ASMTL: variants seen among roughly 807,000 people sequenced by gnomAD.
The protein encoded by ASMTL is acetylserotonin O-methyltransferase like.
A neutral mutation model predicts 60.3 loss-of-function variants in ASMTL; 57 were observed. The observed-to-expected ratio is 0.95, with a 90% CI of 0.76 to 1.18. ASMTL has a LOEUF of 1.18. Among genes scored for constraint, ASMTL ranks in the 50% most tolerant of loss-of-function variants. ASMTL has a pLI of 0.00. For synonymous variants in ASMTL, 419 were observed against 373.0 expected, an observed-to-expected ratio of 1.12 and a Z score of -1.42; for missense variants, 981 against 852.6, an observed-to-expected ratio of 1.15 and a Z score of -1.88.
chrX:1,436,209 TG>T (rs1381745191), intron 3 of ASMTL, among the ~76,000 whole-genome samples: 2 of 152,234 alleles, frequency 1.3e-5, no homozygotes, highest in Non-Finnish European at 2.9e-5. Context: ...AGTCTCACTC[TG>T]TCGCCCAGGC....
chrX:1,418,046 G>A lies in ASMTL; in HGVS notation c.1449C>T (p.Leu483=). The change falls in exon 11 of 13, where the codon CTC becomes CTT. Residue 483 remains leucine, a synonymous_variant. Coordinates refer to ENST00000381317, the MANE Select transcript of ASMTL (RefSeq NM_004192.4). ...YPRMQVTVFD[L]PDIIELAAHF... is the part of the protein sequence containing the mutation. Reference sequence around the variant, plus strand: ...GGGCGGCCAGCTCGATAATGTCTGGGAGGTCAAACACAGTCACCTGCATAC... The same window carrying A: ...GGGCGGCCAGCTCGATAATGTCTGGAAGGTCAAACACAGTCACCTGCATAC... 2 of 1,613,646 alleles carry A rather than the reference G, an allele frequency of 1.2e-6. No individual in the cohort carries two copies. The highest frequency in any genetic ancestry group is 1.7e-6 in the Non-Finnish European group (2 of 1,179,682).
At chrX:1,413,069 G>C (rs5949007) in intron 11 of ASMTL, 249,004 of 583,998 alleles carry the variant, frequency 0.43, 53,941 homozygotes, top group African/African-American at 0.43. Flanking sequence ...GGTTTGACTC[G>C]GGCTGAGAAA....
intron 5 of ASMTL, among the ~76,000 whole-genome samples, chrX:1,433,472 T>G (rs1357989156): frequency 1.8e-4 from 24 of 134,540 alleles, no homozygotes; most frequent in Admixed American, 7.6e-4. Context: ...GAGACCCTCC[T>G]GGCTACCACG....
chrX:1,411,882 G>C (rs766251756), intron 12 of ASMTL, among the ~76,000 whole-genome samples: 4 of 136,760 alleles, frequency 2.9e-5, no homozygotes, highest in Non-Finnish European at 6.1e-5. Context: ...GCGCAGTCTC[G>C]GCTCACTGCA....
intron 12 of ASMTL, among the ~76,000 whole-genome samples, chrX:1,404,782 T>A (rs1263050784): frequency 6.6e-6 from 1 of 150,816 alleles, no homozygotes; most frequent in African/African-American, 2.5e-5. Flanking sequence ...GATGAATGGA[T>A]GGATATATGG....
intron 5 of ASMTL, among the ~76,000 whole-genome samples, chrX:1,432,716 C>A (rs7879297): frequency 6.8e-6 from 1 of 146,942 alleles, no homozygotes; most frequent in Admixed American, 7.0e-5. Context: ...GTAGTCCCAG[C>A]TACTCGGGAG....
chrX:1,435,815 A>C, intron 3 of ASMTL, 57 bp from the exon 4 acceptor site: 1 of 1,426,952 alleles, frequency 7.0e-7, no homozygotes, highest in South Asian at 1.1e-5. Context: ...AGGCCTGTGC[A>C]AGTCCCACGG....
chrX:1,429,538 G>A lies in ASMTL; in HGVS notation c.510-1417C>T, dbSNP rs187981590. ...AAAGTGCAGGTGTTGGGCTGGGCGC[G>A]GTGGCTCCCAGCACTTCGGGAGGCT... On this transcript the variant is annotated intron_variant, in intron 6 of 12. Transcript: ENST00000381317. 2.8e-3 allele frequency among the ~76,000 whole-genome samples: 422 copies of A among 151,986 alleles called. 1 individual carries two copies. The highest frequency in any genetic ancestry group is 4.8e-3 in the Non-Finnish European group (325 of 67,964).
chrX:1,450,527 C>A (rs1183192289), intron 1 of ASMTL, among the ~76,000 whole-genome samples: 1 of 144,150 alleles, frequency 6.9e-6, no homozygotes, highest in Non-Finnish European at 1.5e-5. Context: ...GGATCACACT[C>A]CCCTCCCCCA....
At chrX:1,411,233 G>C (rs1197777673) in intron 12 of ASMTL, among the ~76,000 whole-genome samples, 1 of 9,370 alleles carries the variant, frequency 1.1e-4, no homozygotes, top group Non-Finnish European at 2.2e-3. Flanking sequence ...AAGAAGGAGA[G>C]ACAGAGGGAG....
intron 2 of ASMTL, 85 bp from the exon 3 acceptor site, chrX:1,439,229 G>C (rs1400233407): frequency 7.6e-6 from 11 of 1,448,240 alleles, no homozygotes; most frequent in Non-Finnish European, 1.1e-5. Context: ...GCGTGAAAGA[G>C]CACCGCAGGG....
intron 1 of ASMTL, among the ~76,000 whole-genome samples, chrX:1,445,447 G>C (rs2091211740): frequency 6.6e-6 from 1 of 152,066 alleles, no homozygotes; most frequent in African/African-American, 2.4e-5. Flanking sequence ...CAATAGTCTG[G>C]CATCAATACA....
rs1394210181 is a variant in ASMTL, at chrX:1,412,778, G to T, written c.1599C>A (p.Asp533Glu). 2 of 1,613,858 alleles carry T rather than the reference G, an allele frequency of 1.2e-6. No homozygotes were observed. The highest frequency in any genetic ancestry group is 1.3e-5 in the African/African-American group (1 of 74,920). The change falls in exon 12 of 13, where the codon GAC becomes GAA. Residue 533 changes from aspartate (D) to glutamate (E), a missense_variant. By Grantham distance (45) the Asp-to-Glu change is conservative. Coordinates refer to ENST00000381317, the MANE Select transcript of ASMTL (RefSeq NM_004192.4). ...LCRILHDWPD[D>E]KVHKLLSRVA... ...CCCTGCTGAGTAACTTGTGGACTTT[G>T]TCGTCTGGCCAGTCATGCAGGATCC...
At chrX:1,423,937 C>T (rs1368265003) in intron 8 of ASMTL, among the ~76,000 whole-genome samples, 4 of 150,954 alleles carry the variant, frequency 2.6e-5, no homozygotes, top group Non-Finnish European at 5.9e-5. Context: ...TCCACTGATC[C>T]ATGCACCCAT....
intron 9 of ASMTL, 22 bp downstream of exon 9, chrX:1,421,631 AAGGTG>A: frequency 8.7e-6 from 14 of 1,613,054 alleles, no homozygotes; most frequent in Non-Finnish European, 1.2e-5. Flanking sequence ...GCTAGACGGA[AAGGTG>A]TCCGCGGGGG....
chrX:1,452,851 C>A lies in ASMTL; in HGVS notation c.-11G>T. 6.4e-7 allele frequency: 1 copy of A among 1,555,426 alleles called. No homozygotes were observed. Among genetic ancestry groups the A allele is most frequent in the Non-Finnish European group, 8.6e-7 (1 of 1,159,714 alleles). ...CGGGCACAGCACCATGGCGTCCACG[C>A]CGGGAGCCGGGCGTCCGCACTTCTG... On this transcript the variant is annotated 5_prime_UTR_variant, in exon 1 of 13. Coordinates refer to ENST00000381317, the MANE Select transcript of ASMTL (RefSeq NM_004192.4).
At chrX:1,420,715 C>A (rs760279739) in intron 9 of ASMTL, among the ~76,000 whole-genome samples, 1 of 152,240 alleles carries the variant, frequency 6.6e-6, no homozygotes, top group Non-Finnish European at 1.5e-5. Context: ...TTGCAAACAG[C>A]GGCCTCAGAT....
At chrX:1,410,329 C>T (rs113030561) in intron 12 of ASMTL, among the ~76,000 whole-genome samples, 1 of 142,100 alleles carries the variant, frequency 7.0e-6, no homozygotes, top group African/African-American at 2.6e-5. Flanking sequence ...TCGCTTGAGC[C>T]CAGGAGGTCA....
chrX:1,410,616 G>A (rs1420978481), intron 12 of ASMTL, among the ~76,000 whole-genome samples: 1 of 152,000 alleles, frequency 6.6e-6, no homozygotes, highest in Non-Finnish European at 1.5e-5. Context: ...GTTTCACCAC[G>A]TGGCTTAGGC....
Sources: gnomAD v4.1 joint callset for allele counts (sites outside exome capture counted in the v4.1 genomes callset) on GRCh38, gnomAD v4.1.1 for gene constraint, MANE v1.5 for transcripts, NCBI Gene and HGNC (gene_info 2026-07-23, HGNC 2026-07-21) for gene names.